The following TTC34 variants were observed in gnomAD, a reference collection of about 807,000 sequenced individuals.
TTC34 encodes tetratricopeptide repeat domain 34.
TTC34 carries 44 observed loss-of-function variants against 40.7 expected under a neutral mutation model. That is an observed-to-expected ratio of 1.08 (90% confidence interval 0.85 to 1.39). TTC34 has a LOEUF of 1.39. Among genes scored for constraint, TTC34 ranks in the 40% most tolerant of loss-of-function variants. The pLI, the probability that TTC34 is intolerant of heterozygous loss-of-function variation, is 0.00. For missense variants in TTC34, 884 were observed against 838.0 expected (o/e 1.05, Z -0.68); for synonymous variants, 422 against 398.6 (o/e 1.06, Z -0.70).
intron 6 of TTC34, among the ~76,000 whole-genome samples, chr1:2,687,613 G>A (rs61765682): frequency 0.047 from 6,793 of 144,816 alleles, 7 homozygotes; most frequent in Non-Finnish European, 0.069. Flanking sequence ...ACACCCCCAG[G>A]TGAGCAGCTG....
At chr1:2,790,904 G>C (rs572631969) in intron 2 of TTC34, among the ~76,000 whole-genome samples, 1 of 152,306 alleles carries the variant, frequency 6.6e-6, no homozygotes, top group South Asian at 2.1e-4. Context: ...TCTAGGACTG[G>C]AGGGGCATGC....
intron 6 of TTC34, among the ~76,000 whole-genome samples, chr1:2,649,050 G>A (rs1012201565): frequency 6.8e-6 from 1 of 147,668 alleles, no homozygotes; most frequent in African/African-American, 2.5e-5. Context: ...CAACCAACAG[G>A]TGAAAATCTT....
intron 6 of TTC34, among the ~76,000 whole-genome samples, chr1:2,692,099 C>G (rs1256712874): frequency 7.9e-5 from 10 of 126,946 alleles, no homozygotes; most frequent in Admixed American, 2.6e-4. Context: ...GGAGCAGAAC[C>G]CACACCCCCA....
intron 6 of TTC34, among the ~76,000 whole-genome samples, chr1:2,764,468 G>A (rs1641738230): frequency 6.6e-6 from 1 of 150,546 alleles, no homozygotes; most frequent in Admixed American, 6.6e-5. Context: ...ACAGCCCCAG[G>A]TGAGCATCTG....
intron 2 of TTC34, among the ~76,000 whole-genome samples, chr1:2,798,105 T>C (rs1264570059): frequency 1.5e-3 from 129 of 84,564 alleles, no homozygotes; most frequent in Non-Finnish European, 2.1e-3. Context: ...TCCAAGCCTC[T>C]GAGCCCCTCA....
At chr1:2,787,455 C>G (rs1643604853) in intron 4 of TTC34, 26 bp downstream of exon 4, 1 of 1,450,008 alleles carries the variant, frequency 6.9e-7, no homozygotes, top group Admixed American at 2.7e-5. Flanking sequence ...TCCACCTGCC[C>G]TCTGTCACCC....
At chr1:2,687,044 C>T (rs1391222073) in intron 6 of TTC34, among the ~76,000 whole-genome samples, 16 of 146,950 alleles carry the variant, frequency 1.1e-4, no homozygotes, top group African/African-American at 3.7e-4. Flanking sequence ...GCACCCACAA[C>T]CCCAGGCGTG....
rs1470598340 is a variant in TTC34, at chr1:2,771,529, G to T, written c.2226+12080C>A. Among the ~76,000 whole-genome samples, 2 of 78,322 alleles carry T rather than the reference G, an allele frequency of 2.6e-5. 1 individual carries two copies. Among genetic ancestry groups the T allele is most frequent in the Non-Finnish European group, 4.6e-5 (2 of 43,900 alleles). 51.4% of individuals were successfully genotyped at this position (78,322 alleles called of 152,430 possible). ...GCCTGGAGTAGCACGCACACCCCCA[G>T]GCGAGCATCTGACAGCCTGGAGCAG... is the stretch of plus-strand genomic sequence containing the variant. On this transcript the variant is annotated intron_variant, in intron 6 of 8. Transcript: ENST00000401095.
chr1:2,768,736 C>T (rs1641887746), intron 6 of TTC34, among the ~76,000 whole-genome samples: 1 of 143,172 alleles, frequency 7.0e-6, no homozygotes, highest in Admixed American at 7.0e-5. Context: ...GAAAAACAAC[C>T]CCCTTCAGGT....
chr1:2,686,319 AC>A (rs1640343500), intron 6 of TTC34, among the ~76,000 whole-genome samples: 2 of 149,084 alleles, frequency 1.3e-5, no homozygotes, highest in African/African-American at 5.1e-5. Flanking sequence ...CAGCACCCAC[AC>A]CTCCAGGCGA....
chr1:2,780,610 G>C (rs1183922574), intron 6 of TTC34, among the ~76,000 whole-genome samples: 2 of 152,084 alleles, frequency 1.3e-5, no homozygotes, highest in African/African-American at 4.8e-5. Flanking sequence ...TGTTTCATTG[G>C]TCTCTGTGTC....
chr1:2,775,634 G>C (rs576553233), intron 6 of TTC34: 2 of 149,056 alleles, frequency 1.3e-5, no homozygotes, highest in Admixed American at 1.3e-4. Context: ...CATCCCCTCA[G>C]GTGAGCATCT....
chr1:2,687,666 A>T (rs1640426896), intron 6 of TTC34, among the ~76,000 whole-genome samples: 1 of 151,684 alleles, frequency 6.6e-6, no homozygotes, highest in African/African-American at 2.4e-5. Flanking sequence ...AGCATCTGAC[A>T]GGCTGGAGCA....
At chr1:2,639,262 C>G (rs947880838) in exon 9 of TTC34, 1 of 152,380 alleles carries the variant, frequency 6.6e-6, no homozygotes, top group East Asian at 1.9e-4. Context: ...GAGGGGGCAG[C>G]CCCCTGGTGG....
chr1:2,684,510 C>T (rs71503019), intron 6 of TTC34, among the ~76,000 whole-genome samples: 4 of 148,298 alleles, frequency 2.7e-5, no homozygotes, highest in African/African-American at 5.2e-5. Context: ...TGGAACGGCA[C>T]CCACACCCCC....
At chr1:2,647,291 G>A (rs949469451) in intron 6 of TTC34, among the ~76,000 whole-genome samples, 11 of 151,996 alleles carry the variant, frequency 7.2e-5, no homozygotes, top group African/African-American at 2.2e-4. Context: ...TTGTCCCACC[G>A]GTCACTGAAG....
Position 2,648,836 on chromosome 1 carries a change from C to T in TTC34, c.2227-3273G>A, listed in dbSNP as rs1272900194. Among the ~76,000 whole-genome samples, 3 of 150,816 alleles carry T rather than the reference C, an allele frequency of 2.0e-5. No homozygotes were observed. The East Asian group carries it at 5.9e-4, about 30-fold the overall frequency. ...GTGGGACAGACTGGAGCAGCATTCT[C>T]CAGCCCCAGGTGAACTTGCGACAAT... is the stretch of plus-strand genomic sequence containing the variant. On this transcript the variant is annotated intron_variant, in intron 6 of 8. Transcript: ENST00000401095.
intron 6 of TTC34, among the ~76,000 whole-genome samples, chr1:2,684,879 C>A (rs1640252732): frequency 1.5e-5 from 2 of 131,882 alleles, no homozygotes; most frequent in Non-Finnish European, 3.1e-5. Context: ...CACCCACACC[C>A]CAGGTGAGCA....
chr1:2,759,491 ATCGGGC>A (rs1641620679), intron 6 of TTC34, among the ~76,000 whole-genome samples: 2 of 129,884 alleles, frequency 1.5e-5, no homozygotes, highest in South Asian at 2.7e-4. Flanking sequence ...CCAGGTGAGC[ATCGGGC>A]AGCCTGGAGC....
Sources: allele counts gnomAD v4.1 joint callset (sites outside exome capture counted in the v4.1 genomes callset), GRCh38; gene constraint gnomAD v4.1.1; transcripts MANE v1.5; gene names NCBI Gene and HGNC (gene_info 2026-07-23, HGNC 2026-07-21).